The following RALY variants were observed in gnomAD, a reference collection of about 807,000 sequenced individuals.
RALY encodes RALY heterogeneous nuclear ribonucleoprotein.
RALY carries 15 observed loss-of-function variants against 30.7 expected under a neutral mutation model. The observed-to-expected ratio is 0.49, with a 90% CI of 0.33 to 0.75. RALY has a LOEUF of 0.75. RALY is among the 30% of genes least tolerant of loss of function. RALY has a pLI of 0.02. For missense variants in RALY, 339 were observed against 414.3 expected (o/e 0.82, Z 1.58); for synonymous variants, 177 against 170.8 (o/e 1.04, Z -0.28).
intron 2 of RALY, among the ~76,000 whole-genome samples, chr20:34,044,186 CA>C (rs757936374): frequency 2.6e-5 from 4 of 152,092 alleles, no homozygotes; most frequent in Admixed American, 6.6e-5. Context: ...AAGTTAGGGT[CA>C]AACTCTGAAG....
rs921474222 is a variant in RALY at position 34,080,731 on chromosome 20, ACT to A, written c.*829_*830del. Reference sequence around the variant, plus strand: ...TTCCCTGCCTAAAATCCCTTTACTGACTCTTCATCATCAGGACAAAACCCTAC... The same window carrying A: ...TTCCCTGCCTAAAATCCCTTTACTGACTTCATCATCAGGACAAAACCCTAC... On this transcript the variant is annotated 3_prime_UTR_variant, in exon 10 of 10. Transcript: ENST00000246194. The A allele has an allele frequency of 3.3e-5, 5 of 152,026 alleles. No homozygotes were observed. The highest frequency in any genetic ancestry group is 3.3e-4 in the Admixed American group (5 of 15,228). 9.4% of individuals were successfully genotyped at this position (152,026 alleles called of 1,614,324 possible).
intron 8 of RALY, chr20:34,077,773 G>T: frequency 4.8e-6 from 1 of 207,524 alleles, no homozygotes; most frequent in Non-Finnish European, 9.8e-6. Context: ...TGTGGGATAT[G>T]GGTTGTACAC....
intron 1 of RALY, among the ~76,000 whole-genome samples, chr20:34,025,704 T>A (rs73257740): frequency 1.3e-5 from 2 of 151,620 alleles, no homozygotes; most frequent in African/African-American, 2.4e-5. Flanking sequence ...AAAAAAAAAA[T>A]TGTTTTACAA....
chr20:34,030,702 A>T (rs1468694492), intron 1 of RALY, among the ~76,000 whole-genome samples: 1 of 152,182 alleles, frequency 6.6e-6, no homozygotes, highest in African/African-American at 2.4e-5. Flanking sequence ...GTTTTCTCAT[A>T]TGTAAAATAC....
At chr20:34,005,182 C>T (rs980968405) in intron 1 of RALY, among the ~76,000 whole-genome samples, 17 of 152,012 alleles carry the variant, frequency 1.1e-4, no homozygotes, top group African/African-American at 3.9e-4. Context: ...AATTTCTAGG[C>T]CCCCTCTCGA....
At chr20:34,044,033 CTG>C (rs1488950618) in intron 2 of RALY, among the ~76,000 whole-genome samples, 1 of 151,888 alleles carries the variant, frequency 6.6e-6, no homozygotes, top group Non-Finnish European at 1.5e-5. Flanking sequence ...GAAGGGGAGA[CTG>C]TAACTTCCAA....
At chr20:34,074,784 G>A (rs1051760185) in intron 5 of RALY, among the ~76,000 whole-genome samples, 2 of 152,184 alleles carry the variant, frequency 1.3e-5, no homozygotes, top group Non-Finnish European at 1.5e-5. Flanking sequence ...GGCCAGAGCC[G>A]TTCCCTCCCC....
intron 1 of RALY, among the ~76,000 whole-genome samples, chr20:34,008,922 G>A (rs1316980315): frequency 6.6e-6 from 1 of 152,120 alleles, no homozygotes; most frequent in African/African-American, 2.4e-5. Context: ...GCCTCCGAAA[G>A]TGTTGGGATT....
chr20:34,073,108 A>G (rs1390036112), intron 3 of RALY, among the ~76,000 whole-genome samples: 2 of 152,206 alleles, frequency 1.3e-5, no homozygotes. Flanking sequence ...GCTCATTTGC[A>G]TGTGGGTAGT....
chr20:34,044,922 T>G (rs1383554561), intron 2 of RALY, among the ~76,000 whole-genome samples: 2 of 152,182 alleles, frequency 1.3e-5, no homozygotes, highest in Admixed American at 1.3e-4. Context: ...TGTTATTTAT[T>G]TATTTATTGA....
At position 34,059,843 on chromosome 20, in the gene RALY, T is replaced by A. The variant is rs563622536; in HGVS notation, c.-9-12223T>A. 2.0e-5 allele frequency among the ~76,000 whole-genome samples: 3 copies of A among 152,320 alleles called. No individual in the cohort carries two copies. In the East Asian group the frequency reaches 5.8e-4, roughly 29 times the overall value. ...GAGCAACTGAGGGCTTCTTGAAATA[T>A]CAGCCCTTGGGGCCCTGTTGCCCAG... On this transcript the variant is annotated intron_variant, in intron 2 of 9. Transcript: ENST00000246194.
chr20:34,025,899 G>A (rs376403911), intron 1 of RALY, among the ~76,000 whole-genome samples: 3 of 75,918 alleles, frequency 4.0e-5, no homozygotes, highest in Non-Finnish European at 7.1e-5. Context: ...ATTCCTGGTT[G>A]TTTTTTTTTT....
At chr20:34,005,529 TG>T (rs905430905) in intron 1 of RALY, among the ~76,000 whole-genome samples, 9 of 151,950 alleles carry the variant, frequency 5.9e-5, no homozygotes, top group Non-Finnish European at 2.9e-5. Context: ...AAATCTGACC[TG>T]GGTTTTAAAT....
At chr20:34,073,674 C>G (rs774404727) in intron 4 of RALY, 39 bp downstream of exon 4, 1 of 1,546,590 alleles carries the variant, frequency 6.5e-7, no homozygotes, top group Non-Finnish European at 8.9e-7. Context: ...GGTGGGATGA[C>G]TCTCTCTTTC....
intron 2 of RALY, among the ~76,000 whole-genome samples, chr20:34,066,649 C>T (rs765358149): frequency 7.2e-5 from 11 of 151,966 alleles, no homozygotes; most frequent in Non-Finnish European, 1.5e-4. Context: ...TCTTGGCTTC[C>T]CAAAGTGCTG....
chr20:34,014,032 T>A (rs1432232708), intron 1 of RALY, among the ~76,000 whole-genome samples: 3 of 152,180 alleles, frequency 2.0e-5, no homozygotes, highest in African/African-American at 7.2e-5. Flanking sequence ...CAGCAAAAGG[T>A]TAGTTTTAAT....
At chr20:34,033,901 C>G (rs1376286767) in intron 2 of RALY, among the ~76,000 whole-genome samples, 2 of 152,138 alleles carry the variant, frequency 1.3e-5, no homozygotes, top group Non-Finnish European at 2.9e-5. Flanking sequence ...TGGGCCCTAC[C>G]CATAGCTTAG....
At chr20:34,049,827 C>T (rs1373845686) in intron 2 of RALY, among the ~76,000 whole-genome samples, 1 of 152,124 alleles carries the variant, frequency 6.6e-6, no homozygotes, top group Non-Finnish European at 1.5e-5. Context: ...AATCCAAATC[C>T]CGTGCTCTTA....
chr20:34,033,897 C>T (rs918400833), intron 2 of RALY, among the ~76,000 whole-genome samples: 9 of 152,158 alleles, frequency 5.9e-5, no homozygotes, highest in Non-Finnish European at 1.3e-4. Context: ...TTTGTGGGCC[C>T]TACCCATAGC....
Sources: allele counts gnomAD v4.1 joint callset (sites outside exome capture counted in the v4.1 genomes callset), GRCh38; gene constraint gnomAD v4.1.1; transcripts MANE v1.5; gene names NCBI Gene and HGNC (gene_info 2026-07-23, HGNC 2026-07-21).